CNTN4: variants seen among roughly 807,000 people sequenced by gnomAD.
CNTN4 encodes the protein contactin 4, also known as contactin-4.
CNTN4 carries 77 observed loss-of-function variants against 122.5 expected under a neutral mutation model. The observed-to-expected ratio is 0.63, with a 90% CI of 0.52 to 0.76. The LOEUF (loss-of-function observed/expected upper bound fraction) is 0.76. CNTN4 is among the 30% of genes least tolerant of loss of function. The probability of loss-of-function intolerance (pLI) is 0.00; values close to 1 mark genes in which losing one functional copy is unlikely to be tolerated. For missense variants in CNTN4, 1,256 were observed against 1,259.1 expected (o/e 1.00, Z 0.04); for synonymous variants, 512 against 447.0 (o/e 1.15, Z -1.83).
At chr3:2,479,895 A>G (rs1157458566) in intron 3 of CNTN4, among the ~76,000 whole-genome samples, 8 of 152,218 alleles carry the variant, frequency 5.3e-5, no homozygotes. Context: ...TGAATCAATA[A>G]TGTATAAAAA....
intron 6 of CNTN4, among the ~76,000 whole-genome samples, chr3:2,805,486 A>G (rs1278453112): frequency 2.0e-5 from 3 of 152,242 alleles, no homozygotes; most frequent in Admixed American, 2.0e-4. Flanking sequence ...GCTGGATATT[A>G]GCTTGGCTCA....
intron 14 of CNTN4, 98 bp from the exon 15 acceptor site, chr3:3,026,004 A>G (rs1385060161): frequency 5.1e-6 from 6 of 1,178,206 alleles, no homozygotes; most frequent in South Asian, 1.3e-5. Context: ...AAGCAAAATT[A>G]CTTAGTATTT....
intron 3 of CNTN4, among the ~76,000 whole-genome samples, chr3:2,486,105 C>T (rs985235702): frequency 1.3e-5 from 2 of 152,146 alleles, no homozygotes; most frequent in Non-Finnish European, 2.9e-5. Flanking sequence ...ACCACGAACC[C>T]ACTGGGAGGA....
chr3:2,982,989 C>A (rs141853233), intron 13 of CNTN4, among the ~76,000 whole-genome samples: 46 of 151,634 alleles, frequency 3.0e-4, no homozygotes, highest in African/African-American at 1.0e-3. Context: ...GCGAGGCGGG[C>A]GGATCACGAG....
chr3:2,741,632 G>C (rs1252081552), intron 5 of CNTN4, among the ~76,000 whole-genome samples: 2 of 152,196 alleles, frequency 1.3e-5, no homozygotes, highest in African/African-American at 4.8e-5. Context: ...AATACTTTGT[G>C]TAGTAAAGAA....
chr3:3,028,934 A>ACTTGTC (rs1350147124), intron 15 of CNTN4, among the ~76,000 whole-genome samples: 1 of 152,160 alleles, frequency 6.6e-6, no homozygotes, highest in Non-Finnish European at 1.5e-5. Context: ...TGGAAGACTG[A>ACTTGTC]CTTGTCATAT....
At chr3:2,794,647 A>G (rs1360806081) in intron 6 of CNTN4, among the ~76,000 whole-genome samples, 1 of 152,198 alleles carries the variant, frequency 6.6e-6, no homozygotes, top group African/African-American at 2.4e-5. Flanking sequence ...AGAGATAGAA[A>G]TAAGTCATCT....
At chr3:2,975,519 A>G (rs1354441086) in intron 13 of CNTN4, among the ~76,000 whole-genome samples, 1 of 152,224 alleles carries the variant, frequency 6.6e-6, no homozygotes, top group East Asian at 1.9e-4. Flanking sequence ...AGCCAACAGC[A>G]CCCAATAGGA....
At chr3:2,612,107 TACACACACACAC>T (rs58025362) in intron 4 of CNTN4, among the ~76,000 whole-genome samples, 47 of 150,204 alleles carry the variant, frequency 3.1e-4, no homozygotes, top group African/African-American at 9.8e-4. Flanking sequence ...ATACATATAA[TACACACACACAC>T]ACACACACAC....
intron 12 of CNTN4, among the ~76,000 whole-genome samples, chr3:2,923,750 T>C (rs1187693627): frequency 6.6e-6 from 1 of 152,250 alleles, no homozygotes; most frequent in Non-Finnish European, 1.5e-5. Flanking sequence ...GTAGTAGTTA[T>C]TATGAATTTA....
At position 2,770,431 on chromosome 3, in the gene CNTN4, G is replaced by C. The variant is rs181885902; in HGVS notation, c.358+24734G>C. Among the ~76,000 whole-genome samples, 65 of 152,324 alleles carry C rather than the reference G, an allele frequency of 4.3e-4. No individual in the cohort carries two copies. In the East Asian group the frequency reaches 0.011, roughly 25 times the overall value. ...TTTGCACACACAAACCTTCCCTGGT[G>C]GGGGAGGGCCAAGGGCCCTCAGCTT... On this transcript the variant is annotated intron_variant, in intron 6 of 24. Transcript: ENST00000418658.
intron 4 of CNTN4, among the ~76,000 whole-genome samples, chr3:2,696,261 C>A (rs1457087536): frequency 6.6e-6 from 1 of 152,152 alleles, no homozygotes; most frequent in Non-Finnish European, 1.5e-5. Flanking sequence ...TTAGGTAATA[C>A]ATATCATTAA....
intron 2 of CNTN4, among the ~76,000 whole-genome samples, chr3:2,122,162 A>G (rs1365203323): frequency 1.3e-5 from 2 of 151,994 alleles, no homozygotes; most frequent in African/African-American, 2.4e-5. Flanking sequence ...CTCAAAAAAA[A>G]AAAAAAATTA....
intron 2 of CNTN4, among the ~76,000 whole-genome samples, chr3:2,140,291 G>A (rs1167029350): frequency 6.6e-6 from 1 of 152,190 alleles, no homozygotes; most frequent in East Asian, 1.9e-4. Context: ...ATGGATTGAT[G>A]AGAAAACAGA....
intron 2 of CNTN4, among the ~76,000 whole-genome samples, chr3:2,136,995 A>ATTTT (rs1158742494): frequency 6.6e-6 from 1 of 152,252 alleles, no homozygotes; most frequent in Non-Finnish European, 1.5e-5. Context: ...CCGTTCTTAA[A>ATTTT]TAAGACATTT....
At chr3:2,134,171 C>G (rs1003382303) in intron 2 of CNTN4, among the ~76,000 whole-genome samples, 1 of 152,168 alleles carries the variant, frequency 6.6e-6, no homozygotes, top group African/African-American at 2.4e-5. Context: ...TCATTTGCCT[C>G]TCAGTGCTTG....
At chr3:2,403,285 T>C (rs746792562) in intron 3 of CNTN4, among the ~76,000 whole-genome samples, 1 of 152,014 alleles carries the variant, frequency 6.6e-6, no homozygotes, top group Admixed American at 6.6e-5. Flanking sequence ...TGACCCTATT[T>C]CCAAAAAAGG....
At position 3,037,260 on chromosome 3, in the gene CNTN4, T is replaced by A; in HGVS notation, c.2024T>A (p.Val675Asp). The A allele has an allele frequency of 6.2e-7, 1 of 1,614,204 alleles. No homozygotes were observed. Among genetic ancestry groups the A allele is most frequent in the Non-Finnish European group, 8.5e-7 (1 of 1,180,038 alleles). ...TGGGTTGAATATGAATTCCGCACAG[T>A]TGCAGCCAACGTGATTGGGATTGGG... ...NPWVEYEFRT[V>D]AANVIGIGEP... The change falls in exon 18 of 25, where the codon GTT becomes GAT. Residue 675 changes from valine to aspartate, a missense_variant. Physicochemically the swap from Val to Asp is radical, Grantham distance 152 (BLOSUM62 -3). Transcript: ENST00000418658.
chr3:2,708,544 G>A (rs2086884702), intron 4 of CNTN4, among the ~76,000 whole-genome samples: 1 of 152,138 alleles, frequency 6.6e-6, no homozygotes, highest in Admixed American at 6.6e-5. Flanking sequence ...TGACAAAACT[G>A]TGAAGTTTTA....
Sources: allele counts gnomAD v4.1 joint callset (sites outside exome capture counted in the v4.1 genomes callset), GRCh38; gene constraint gnomAD v4.1.1; transcripts MANE v1.5; gene names NCBI Gene and HGNC (gene_info 2026-07-23, HGNC 2026-07-21).